The following ATP8B4 variants were observed in gnomAD, a reference collection of about 807,000 sequenced individuals.
ATP8B4 encodes the protein ATPase phospholipid transporting 8B4 (putative).
In ATP8B4, 133 loss-of-function variants were observed where a neutral mutation model predicts 145.6. That is an observed-to-expected ratio of 0.91 (90% CI 0.79 to 1.05). The LOEUF is 1.05. ATP8B4 is among the 50% of genes least tolerant of loss of function. ATP8B4 has a pLI of 0.00. For synonymous variants in ATP8B4, 507 were observed against 492.9 expected, an observed-to-expected ratio of 1.03 and a Z score of -0.38; for missense variants, 1,458 against 1,425.2, an observed-to-expected ratio of 1.02 and a Z score of -0.37.
At chr15:50,047,592 G>A in intron 3 of ATP8B4, 128 bp from the exon 4 acceptor site, 1 of 664,146 alleles carries the variant, frequency 1.5e-6, no homozygotes, top group Non-Finnish European at 2.6e-6. Flanking sequence ...TTTCAACTCT[G>A]TGTGGCTCAA....
chr15:50,084,466 T>C (rs1407018910), intron 2 of ATP8B4, among the ~76,000 whole-genome samples: 2 of 152,166 alleles, frequency 1.3e-5, no homozygotes, highest in African/African-American at 4.8e-5. Flanking sequence ...AGGCCCAGGC[T>C]ACTGCAACAG....
chr15:50,129,994 G>A (rs2057335307), intron 1 of ATP8B4, among the ~76,000 whole-genome samples: 1 of 151,244 alleles, frequency 6.6e-6, no homozygotes, highest in Admixed American at 6.6e-5. Context: ...GAAATTACAT[G>A]GTAGAGTACT....
intron 5 of ATP8B4, among the ~76,000 whole-genome samples, chr15:50,039,305 T>C (rs1256617436): frequency 2.6e-5 from 4 of 152,234 alleles, no homozygotes; most frequent in Non-Finnish European, 5.9e-5. Context: ...AAACTCTAAT[T>C]GTTAACAGTG....
chr15:50,088,420 T>C (rs2055366727), intron 2 of ATP8B4, among the ~76,000 whole-genome samples: 1 of 152,008 alleles, frequency 6.6e-6, no homozygotes, highest in Non-Finnish European at 1.5e-5. Flanking sequence ...CCATCTTCAT[T>C]CAACTCCAGC....
rs746345101 is a variant in ATP8B4 at position 49,949,440 on chromosome 15, C to T, written c.1287+12537G>A. ...ATTCTCTTCGTAGTGATTGTGAATG[C>T]GAGTTCATTCATGATTTGGCTCTCT... is the stretch of plus-strand genomic sequence containing the variant. On this transcript the variant is annotated intron_variant, in intron 14 of 27. Coordinates refer to ENST00000284509, the MANE Select transcript of ATP8B4 (RefSeq NM_024837.4). 4.6e-5 allele frequency among the ~76,000 whole-genome samples: 7 copies of T among 152,000 alleles called. No individual in the cohort carries two copies. The South Asian group carries it at 1.5e-3, about 32-fold the overall frequency.
intron 1 of ATP8B4, among the ~76,000 whole-genome samples, chr15:50,133,878 G>A (rs1165122959): frequency 2.0e-5 from 3 of 151,982 alleles, no homozygotes; most frequent in African/African-American, 7.2e-5. Context: ...GTTCATGCAT[G>A]GAATCGCAAC....
At chr15:50,138,393 CAGACAGACAGAG>C (rs2044158773) in intron 1 of ATP8B4, among the ~76,000 whole-genome samples, 1 of 103,194 alleles carries the variant, frequency 9.7e-6, no homozygotes, top group African/African-American at 6.0e-5. Flanking sequence ...GATAGACAGA[CAGACAGACAGAG>C]AGATGATAGA....
At chr15:49,879,114 A>T (rs1215453770) in intron 24 of ATP8B4, among the ~76,000 whole-genome samples, 2 of 152,254 alleles carry the variant, frequency 1.3e-5, no homozygotes, top group Non-Finnish European at 2.9e-5. Context: ...CAGGACTTCT[A>T]GAGCCTTTAG....
intron 2 of ATP8B4, among the ~76,000 whole-genome samples, chr15:50,088,254 G>T (rs1323583224): frequency 6.6e-6 from 1 of 151,914 alleles, no homozygotes; most frequent in African/African-American, 2.4e-5. Context: ...GTGGTGGCAG[G>T]CGTCTGTAGT....
chr15:49,982,190 T>C (rs1053002536), intron 10 of ATP8B4, among the ~76,000 whole-genome samples: 2 of 152,106 alleles, frequency 1.3e-5, no homozygotes, highest in Non-Finnish European at 2.9e-5. Flanking sequence ...CAAAATTATA[T>C]ACCACTCCAG....
chr15:50,099,253 G>A (rs190155215), intron 2 of ATP8B4, among the ~76,000 whole-genome samples: 64 of 152,174 alleles, frequency 4.2e-4, no homozygotes, highest in African/African-American at 1.5e-3. Context: ...TCCTGATTGC[G>A]GAAAAGCATG....
At chr15:49,953,554 C>G (rs892618894) in intron 14 of ATP8B4, among the ~76,000 whole-genome samples, 1 of 152,186 alleles carries the variant, frequency 6.6e-6, no homozygotes, top group Non-Finnish European at 1.5e-5. Context: ...GTTCAGCCTC[C>G]CTGGCTCCAG....
intron 1 of ATP8B4, among the ~76,000 whole-genome samples, chr15:50,160,664 C>T (rs2140840363): frequency 6.6e-6 from 1 of 151,084 alleles, no homozygotes; most frequent in Non-Finnish European, 1.5e-5. Flanking sequence ...AGTTTAATTT[C>T]CAAATGTTTG....
chr15:50,166,630 T>C (rs1595664145), intron 1 of ATP8B4, among the ~76,000 whole-genome samples: 1 of 152,162 alleles, frequency 6.6e-6, no homozygotes, highest in African/African-American at 2.4e-5. Flanking sequence ...TTGAGTACAA[T>C]AGTCTAATGG....
At chr15:50,146,736 G>A (rs901082890) in intron 1 of ATP8B4, among the ~76,000 whole-genome samples, 4 of 152,168 alleles carry the variant, frequency 2.6e-5, no homozygotes, top group Admixed American at 6.5e-5. Flanking sequence ...AGTAAAGCAG[G>A]GTTGTATTGG....
intron 6 of ATP8B4, among the ~76,000 whole-genome samples, chr15:50,030,454 G>A (rs964286459): frequency 6.6e-6 from 1 of 152,118 alleles, no homozygotes; most frequent in Non-Finnish European, 1.5e-5. Context: ...ATCAATTTGA[G>A]GGGCCCCAGA....
At chr15:49,969,304 A>G (rs561474127) in intron 13 of ATP8B4, among the ~76,000 whole-genome samples, 13 of 152,326 alleles carry the variant, frequency 8.5e-5, no homozygotes, top group South Asian at 8.3e-4. Flanking sequence ...TAGAGACACG[A>G]AAAACCCTTC....
At chr15:50,148,006 C>T (rs2044301196) in intron 1 of ATP8B4, among the ~76,000 whole-genome samples, 2 of 152,190 alleles carry the variant, frequency 1.3e-5, no homozygotes, top group South Asian at 4.1e-4. Flanking sequence ...TCCAATGCAT[C>T]TAGCAGTTAG....
chr15:49,862,017 A>G (rs1000098985), intron 27 of ATP8B4, among the ~76,000 whole-genome samples: 14 of 152,232 alleles, frequency 9.2e-5, no homozygotes, highest in African/African-American at 3.4e-4. Context: ...CTTGTAATTT[A>G]TGACTCCCCA....
Sources: gnomAD v4.1 joint callset for allele counts (sites outside exome capture counted in the v4.1 genomes callset) on GRCh38, gnomAD v4.1.1 for gene constraint, MANE v1.5 for transcripts, NCBI Gene and HGNC (gene_info 2026-07-23, HGNC 2026-07-21) for gene names.